Variants in CCDC141 observed in about 807,000 individuals in gnomAD.
The protein encoded by CCDC141 is coiled-coil domain containing 141.
Under a neutral mutation model 181.0 loss-of-function variants are expected in CCDC141, and 168 were observed. The ratio of observed to expected loss-of-function variants is 0.93; its 90% CI spans 0.82 to 1.05. CCDC141 has a LOEUF of 1.05. CCDC141 is among the 50% of genes least tolerant of loss of function. The probability of loss-of-function intolerance (pLI) is 0.00; values close to 1 mark genes in which losing one functional copy is unlikely to be tolerated. For missense variants in CCDC141, 1,902 were observed against 1,788.5 expected, an observed-to-expected ratio of 1.06 and a Z score of -1.14; for synonymous variants, 666 against 642.3, an observed-to-expected ratio of 1.04 and a Z score of -0.56.
intron 8 of CCDC141, among the ~76,000 whole-genome samples, chr2:178,897,557 C>T (rs1216126728): frequency 2.0e-5 from 3 of 152,104 alleles, no homozygotes; most frequent in Non-Finnish European, 4.4e-5. Flanking sequence ...TACACCAAAG[C>T]AAAATATTCA....
At chr2:179,049,390 C>A (rs991105479) in intron 1 of CCDC141, among the ~76,000 whole-genome samples, 16 of 152,078 alleles carry the variant, frequency 1.1e-4, no homozygotes, top group African/African-American at 3.9e-4. Context: ...GTGCTTAAAG[C>A]AGTGCCCTCC....
At chr2:178,988,483 TAATA>T in intron 2 of CCDC141, among the ~76,000 whole-genome samples, 1 of 121,236 alleles carries the variant, frequency 8.2e-6, no homozygotes. Context: ...AAAAAATAAA[TAATA>T]AAAAAAAAGA....
At chr2:178,989,087 T>C (rs1445989036) in intron 2 of CCDC141, among the ~76,000 whole-genome samples, 1 of 152,156 alleles carries the variant, frequency 6.6e-6, no homozygotes, top group African/African-American at 2.4e-5. Context: ...TCACCTTGAA[T>C]TTGGCAATAG....
At chr2:179,023,942 G>A (rs1467270589) in intron 2 of CCDC141, among the ~76,000 whole-genome samples, 1 of 152,168 alleles carries the variant, frequency 6.6e-6, no homozygotes, top group Non-Finnish European at 1.5e-5. Flanking sequence ...GCTTGTGTAA[G>A]TACCACATTA....
At chr2:179,013,339 C>G (rs1043614772) in intron 2 of CCDC141, among the ~76,000 whole-genome samples, 3 of 152,054 alleles carry the variant, frequency 2.0e-5, no homozygotes, top group Non-Finnish European at 2.9e-5. Flanking sequence ...AGCGGAGAAT[C>G]AAATCAAGAA....
chr2:178,982,668 A>G (rs907945691), intron 2 of CCDC141, among the ~76,000 whole-genome samples: 1 of 152,174 alleles, frequency 6.6e-6, no homozygotes, highest in East Asian at 1.9e-4. Flanking sequence ...ACAAGGGGTC[A>G]GGGAGTTCCC....
At chr2:178,929,873 G>C (rs1278846927) in intron 6 of CCDC141, among the ~76,000 whole-genome samples, 3 of 152,026 alleles carry the variant, frequency 2.0e-5, no homozygotes, top group African/African-American at 7.2e-5. Flanking sequence ...CCACTCTAAA[G>C]CTGATGAATC....
Position 178,830,842 on chromosome 2 carries a change from G to A in CCDC141, c.*3331C>T, listed in dbSNP as rs1684219596. On this transcript the variant is annotated 3_prime_UTR_variant, in exon 24 of 24. Coordinates refer to ENST00000443758, the MANE Select transcript of CCDC141 (RefSeq NM_173648.4). ...AGTCACATGAAGATAGGGTGGTGAA[G>A]ATAGTAAGAGAGTTATAGGAAGAAA... is the stretch of plus-strand genomic sequence containing the variant. 6.6e-6 allele frequency: 1 copy of A among 152,258 alleles called. No homozygotes were observed. The highest frequency in any genetic ancestry group is 1.5e-5 in the Non-Finnish European group (1 of 68,090). The allele number at this position is 152,258 out of a possible 1,614,324, so 9.4% of individuals were successfully genotyped here.
At chr2:179,026,222 C>T (rs965576603) in intron 2 of CCDC141, among the ~76,000 whole-genome samples, 1 of 152,232 alleles carries the variant, frequency 6.6e-6, no homozygotes, top group African/African-American at 2.4e-5. Flanking sequence ...ATTGCAGCCC[C>T]TTCCATCACA....
chr2:178,981,675 T>TATAC (rs1559024812), intron 2 of CCDC141, among the ~76,000 whole-genome samples: 1 of 132,266 alleles, frequency 7.6e-6, no homozygotes, highest in African/African-American at 3.0e-5. Context: ...TATATACATA[T>TATAC]ATATATATAG....
intron 2 of CCDC141, among the ~76,000 whole-genome samples, chr2:179,020,247 A>G (rs553257355): frequency 1.6e-4 from 24 of 152,174 alleles, no homozygotes; most frequent in African/African-American, 5.8e-4. Flanking sequence ...CAAAAGCATA[A>G]TTTTACCTAA....
At chr2:178,981,734 T>C (rs911677976) in intron 2 of CCDC141, among the ~76,000 whole-genome samples, 1 of 145,510 alleles carries the variant, frequency 6.9e-6, no homozygotes, top group Admixed American at 7.0e-5. Flanking sequence ...TCTGAGTTTT[T>C]ACCATAGGAA....
At chr2:179,041,806 A>C (rs189833986) in intron 2 of CCDC141, among the ~76,000 whole-genome samples, 39 of 152,282 alleles carry the variant, frequency 2.6e-4, no homozygotes, top group African/African-American at 9.4e-4. Flanking sequence ...AAAGACTAAA[A>C]AAGACAAAGA....
Position 179,049,729 on chromosome 2 carries a change from C to T in CCDC141, c.102+111G>A, listed in dbSNP as rs963261098. 1.2e-5 allele frequency: 14 copies of T among 1,151,854 alleles called. No individual in the cohort carries two copies. In the Middle Eastern group the frequency reaches 6.0e-4, roughly 49 times the overall value. The allele number at this position is 1,151,854 out of a possible 1,614,324, so 71.4% of individuals were successfully genotyped here. A position where few individuals can be genotyped will look rare whatever the true frequency, so the allele number is the denominator to read the frequency against. On this transcript the variant is annotated intron_variant, in intron 1 of 23. Transcript: ENST00000443758. ...TAGAAAGCAGTAAGAGTGCTTGCTG[C>T]GTTGTCTTCTCTATGCTGTGTCCTG...
rs2043621095 is a variant in CCDC141 at position 179,049,836 on chromosome 2, T to C, written c.102+4A>G. 4.5e-6 allele frequency: 7 copies of C among 1,550,712 alleles called. No individual in the cohort carries two copies. In the East Asian group the frequency reaches 1.7e-4, roughly 38 times the overall value. ...GCACAGAAAAAAGGAAGTTGTTAGC[T>C]TACCTTTATGACAGCTATAACGATT... On this transcript the variant is annotated splice_donor_region_variant and intron_variant, in intron 1 of 23. Coordinates refer to ENST00000443758, the MANE Select transcript of CCDC141 (RefSeq NM_173648.4).
chr2:178,872,401 T>C lies in CCDC141; in HGVS notation c.1900-89A>G, dbSNP rs577522473. 3.6e-5 allele frequency: 44 copies of C among 1,210,916 alleles called. No homozygotes were observed. The Middle Eastern group carries it at 6.6e-4, about 18-fold the overall frequency. 75.0% of individuals were successfully genotyped at this position (1,210,916 alleles called of 1,614,324 possible). On this transcript the variant is annotated intron_variant, in intron 12 of 23. Coordinates refer to ENST00000443758, the MANE Select transcript of CCDC141 (RefSeq NM_173648.4). ...ATAACTATTTTACGAGGCAAATTCTTTATCACAACCAAAGCCGAAGATGGT... is the reference window on the plus strand; with the variant it reads ...ATAACTATTTTACGAGGCAAATTCTCTATCACAACCAAAGCCGAAGATGGT...
intron 2 of CCDC141, among the ~76,000 whole-genome samples, chr2:178,988,195 C>T (rs1209072793): frequency 6.6e-6 from 1 of 151,880 alleles, no homozygotes; most frequent in East Asian, 1.9e-4. Context: ...TGGAAATCAT[C>T]ATTCTCAGTA....
intron 8 of CCDC141, among the ~76,000 whole-genome samples, chr2:178,901,331 G>T (rs1470681636): frequency 6.6e-6 from 1 of 152,098 alleles, no homozygotes; most frequent in Non-Finnish European, 1.5e-5. Context: ...GAATATCCTT[G>T]ATGAATATTG....
At chr2:179,009,836 C>T (rs2042217568) in intron 2 of CCDC141, among the ~76,000 whole-genome samples, 1 of 152,016 alleles carries the variant, frequency 6.6e-6, no homozygotes, top group Admixed American at 6.6e-5. Context: ...CAGGAGGTTA[C>T]TTATTAAGCT....
Sources: allele counts gnomAD v4.1 joint callset (sites outside exome capture counted in the v4.1 genomes callset), GRCh38; gene constraint gnomAD v4.1.1; transcripts MANE v1.5; gene names NCBI Gene and HGNC (gene_info 2026-07-23, HGNC 2026-07-21).